The following TEAD1 variants were observed in gnomAD, a reference collection of about 807,000 sequenced individuals.
TEAD1 encodes the protein transcriptional enhancer factor TEF-1.
In TEAD1, 9 loss-of-function variants were observed where a neutral mutation model predicts 54.9. The ratio of observed to expected loss-of-function variants is 0.16; its 90% CI spans 0.10 to 0.29. The LOEUF (loss-of-function observed/expected upper bound fraction) is 0.29, where lower values mean the gene tolerates loss of function less well. Among genes scored for constraint, TEAD1 ranks in the 10% least tolerant of loss-of-function variants. TEAD1 has a pLI of 1.00. For missense variants in TEAD1, 387 were observed against 535.9 expected (o/e 0.72, Z 2.74); for synonymous variants, 200 against 187.8 (o/e 1.07, Z -0.53).
chr11:12,899,620 T>C (rs545545870), intron 9 of TEAD1, among the ~76,000 whole-genome samples: 1 of 152,310 alleles, frequency 6.6e-6, no homozygotes, highest in African/African-American at 2.4e-5. Context: ...GGCTTTTACT[T>C]TTAACCTTTT....
chr11:12,848,390 G>A (rs1381879613), intron 3 of TEAD1, among the ~76,000 whole-genome samples: 1 of 152,172 alleles, frequency 6.6e-6, no homozygotes, highest in Non-Finnish European at 1.5e-5. Context: ...TTAAAGTGAT[G>A]TGTGTACAAT....
intron 10 of TEAD1, among the ~76,000 whole-genome samples, chr11:12,916,483 C>A (rs1948714818): frequency 6.6e-6 from 1 of 152,156 alleles, no homozygotes; most frequent in African/African-American, 2.4e-5. Flanking sequence ...TTCAAATTGA[C>A]AAGTGAACAG....
chr11:12,920,144 T>C (rs1025251739), intron 10 of TEAD1, among the ~76,000 whole-genome samples: 1 of 152,198 alleles, frequency 6.6e-6, no homozygotes, highest in Admixed American at 6.5e-5. Context: ...TTGTTGAAAG[T>C]CATTTTGTCA....
chr11:12,767,614 T>G (rs907955583), intron 3 of TEAD1, among the ~76,000 whole-genome samples: 1 of 152,168 alleles, frequency 6.6e-6, no homozygotes, highest in African/African-American at 2.4e-5. Context: ...ATGATGAGGT[T>G]TTTGGCCACC....
intron 5 of TEAD1, among the ~76,000 whole-genome samples, chr11:12,875,904 G>T (rs1271727259): frequency 6.6e-6 from 1 of 152,176 alleles, no homozygotes; most frequent in Non-Finnish European, 1.5e-5. Context: ...AAACCCAGAA[G>T]GACATTAGGC....
rs1948882248 is a variant in TEAD1, at chr11:12,925,061, G to A, written c.1014+9G>A. 1.9e-6 allele frequency: 3 copies of A among 1,613,868 alleles called. No homozygotes were observed. The highest frequency in any genetic ancestry group is 4.5e-5 in the East Asian group (2 of 44,874). On this transcript the variant is annotated intron_variant, in intron 11 of 12. Coordinates refer to ENST00000527636, the MANE Select transcript of TEAD1 (RefSeq NM_021961.6). ...TAGTAGAAAAAGTAGAGGTAAGTTG[G>A]CCTCTGTATACTGGAAACTTCATTC...
At chr11:12,749,978 A>G (rs1944833326) in intron 2 of TEAD1, among the ~76,000 whole-genome samples, 1 of 152,038 alleles carries the variant, frequency 6.6e-6, no homozygotes, top group Non-Finnish European at 1.5e-5. Context: ...AATGTGAGAG[A>G]CCTGTTTTGC....
At chr11:12,755,362 A>G (rs746938024) in intron 2 of TEAD1, among the ~76,000 whole-genome samples, 2 of 152,168 alleles carry the variant, frequency 1.3e-5, no homozygotes, top group Non-Finnish European at 2.9e-5. Flanking sequence ...TAATAATCGG[A>G]TGGTGAATCG....
Position 12,775,117 on chromosome 11 carries a change from A to G in TEAD1, c.202+10683A>G, listed in dbSNP as rs148539858. Reference sequence around the variant, plus strand: ...TGTTGGAAAAGTAGGAAAGAACACTATGGAACCATCAAACAGAGTTAAGCA... The same window carrying G: ...TGTTGGAAAAGTAGGAAAGAACACTGTGGAACCATCAAACAGAGTTAAGCA... On this transcript the variant is annotated intron_variant, in intron 3 of 12. Transcript: ENST00000527636. Among the ~76,000 whole-genome samples the G allele has an allele frequency of 4.2e-3, 636 of 152,320 alleles. 4 individuals carry two copies. Among genetic ancestry groups the G allele is most frequent in the African/African-American group, 0.015 (614 of 41,582 alleles).
At chr11:12,791,175 G>A (rs549490721) in intron 3 of TEAD1, among the ~76,000 whole-genome samples, 2 of 152,272 alleles carry the variant, frequency 1.3e-5, no homozygotes, top group South Asian at 4.1e-4. Flanking sequence ...CTTATATGGG[G>A]TTCATGCATA....
intron 2 of TEAD1, among the ~76,000 whole-genome samples, chr11:12,726,554 G>A (rs201097619): frequency 3.3e-5 from 5 of 151,818 alleles, no homozygotes; most frequent in Admixed American, 2.6e-4. Flanking sequence ...AGTATGGGGG[G>A]AAAAAAAGTA....
intron 2 of TEAD1, among the ~76,000 whole-genome samples, chr11:12,726,823 G>C (rs189184902): frequency 1.6e-4 from 25 of 152,256 alleles, no homozygotes; most frequent in Non-Finnish European, 4.4e-5. Context: ...GGGTGACAGA[G>C]TGAGACTCTG....
intron 2 of TEAD1, among the ~76,000 whole-genome samples, chr11:12,709,930 A>G (rs956242752): frequency 4.0e-5 from 6 of 151,574 alleles, no homozygotes; most frequent in South Asian, 2.1e-4. Flanking sequence ...TTTAAAAGGG[A>G]CTCTTCTACC....
intron 3 of TEAD1, among the ~76,000 whole-genome samples, chr11:12,785,215 A>G (rs540155370): frequency 9.2e-5 from 14 of 152,124 alleles, no homozygotes; most frequent in Admixed American, 2.6e-4. Flanking sequence ...TAGGACAAGT[A>G]ACTTCCCAGC....
intron 9 of TEAD1, among the ~76,000 whole-genome samples, chr11:12,893,336 G>A (rs1249788563): frequency 2.6e-5 from 4 of 152,152 alleles, no homozygotes; most frequent in Non-Finnish European, 5.9e-5. Flanking sequence ...GCACCCCCAT[G>A]CCCCTCACAG....
chr11:12,902,251 C>G, intron 10 of TEAD1, 138 bp downstream of exon 10: 1 of 1,164,294 alleles, frequency 8.6e-7, no homozygotes, highest in South Asian at 1.2e-5. Flanking sequence ...GCCAAGGGAG[C>G]ACGGACTCAC....
At chr11:12,850,400 C>G (rs1947250409) in intron 3 of TEAD1, among the ~76,000 whole-genome samples, 1 of 152,198 alleles carries the variant, frequency 6.6e-6, no homozygotes, top group African/African-American at 2.4e-5. Context: ...CGTGCCATTG[C>G]TCTCCAGCCT....
At chr11:12,883,254 C>G in intron 9 of TEAD1, 129 bp downstream of exon 9, 1 of 1,442,332 alleles carries the variant, frequency 6.9e-7, no homozygotes. Context: ...TGAAAACGGG[C>G]CTAGGAAAGA....
intron 9 of TEAD1, among the ~76,000 whole-genome samples, chr11:12,897,609 C>T (rs139743696): frequency 8.5e-4 from 129 of 152,272 alleles, no homozygotes; most frequent in African/African-American, 2.9e-3. Flanking sequence ...TTCAAGTCAC[C>T]AGCCTTGTAG....
Sources: allele counts gnomAD v4.1 joint callset (sites outside exome capture counted in the v4.1 genomes callset), GRCh38; gene constraint gnomAD v4.1.1; transcripts MANE v1.5; gene names NCBI Gene and HGNC (gene_info 2026-07-23, HGNC 2026-07-21).